Variants in DAB2IP observed in about 807,000 individuals in gnomAD.
The protein encoded by DAB2IP is disabled homolog 2-interacting protein.
DAB2IP carries 28 observed loss-of-function variants against 107.2 expected under a neutral mutation model. The observed-to-expected ratio is 0.26, with a 90% CI of 0.19 to 0.36. The LOEUF is 0.36. Among genes scored for constraint, DAB2IP ranks in the 10% least tolerant of loss-of-function variants. DAB2IP has a pLI of 1.00. For synonymous variants in DAB2IP, 755 were observed against 706.4 expected, an observed-to-expected ratio of 1.07 and a Z score of -1.09; for missense variants, 1,400 against 1,644.7, an observed-to-expected ratio of 0.85 and a Z score of 2.57.
intron 3 of DAB2IP, among the ~76,000 whole-genome samples, chr9:121,732,576 G>C (rs1831607538): frequency 6.6e-6 from 1 of 152,184 alleles, no homozygotes; most frequent in Non-Finnish European, 1.5e-5. Context: ...TAGGGAGGCT[G>C]TGGGCTGATG....
In DAB2IP at chr9:121,782,419, G is replaced by A. The variant is rs771507565; in HGVS notation, c.3491G>A (p.Arg1164His). Reference sequence around the variant, plus strand: ...AAAGAGAGGTACAGCATGCAAGCCCGTAACGGCATCTCCCCCACCAACCCC... The same window carrying A: ...AAAGAGAGGTACAGCATGCAAGCCCATAACGGCATCTCCCCCACCAACCCC... The change falls in exon 16 of 16, where the codon CGT (arginine) becomes CAT (histidine). Residue 1164 changes from arginine (R) to histidine (H), a missense_variant. Transcript: ENST00000408936. The surrounding 1 kb of genome is among the most constrained non-coding windows in gnomAD (Gnocchi z 6.1). 7.7e-5 allele frequency: 125 copies of A among 1,613,988 alleles called. No individual in the cohort carries two copies. Among genetic ancestry groups the A allele is most frequent in the Admixed American group, 1.3e-4 (8 of 59,998 alleles).
At chr9:121,593,262 T>TTTG (rs1044590375) in intron 1 of DAB2IP, among the ~76,000 whole-genome samples, 23 of 152,120 alleles carry the variant, frequency 1.5e-4, no homozygotes, top group African/African-American at 5.3e-4. Context: ...CTCTTGGAAT[T>TTTG]TTGTTGTTGT....
intron 1 of DAB2IP, among the ~76,000 whole-genome samples, chr9:121,663,712 G>A (rs1419947432): frequency 6.6e-6 from 1 of 152,186 alleles, no homozygotes; most frequent in African/African-American, 2.4e-5. Context: ...AAACCAAAAC[G>A]TGAAATCAAC....
intron 3 of DAB2IP, among the ~76,000 whole-genome samples, chr9:121,726,716 G>C (rs537990929): frequency 1.3e-5 from 2 of 152,174 alleles, no homozygotes; most frequent in Admixed American, 6.5e-5. Context: ...CACCACATCT[G>C]GTGTTGGAAG....
intron 1 of DAB2IP, among the ~76,000 whole-genome samples, chr9:121,646,426 T>C (rs1039992515): frequency 6.6e-6 from 1 of 152,094 alleles, no homozygotes; most frequent in African/African-American, 2.4e-5. Context: ...GAAGTCGTCA[T>C]TGCCTGCCAG....
chr9:121,618,350 T>C (rs1419426008), intron 1 of DAB2IP, among the ~76,000 whole-genome samples: 1 of 151,554 alleles, frequency 6.6e-6, no homozygotes, highest in African/African-American at 2.4e-5. Context: ...ATGTCATGAA[T>C]GGTAAATTCA....
chr9:121,659,846 T>C (rs1212112547), intron 1 of DAB2IP, among the ~76,000 whole-genome samples: 1 of 152,104 alleles, frequency 6.6e-6, no homozygotes, highest in African/African-American at 2.4e-5. Flanking sequence ...CAGTGGGGAC[T>C]GGACCCACCT....
Position 121,763,715 on chromosome 9 carries a change from C to G in DAB2IP, c.1316-20C>G. On this transcript the variant is annotated intron_variant, in intron 7 of 15. Coordinates refer to ENST00000408936, the Ensembl canonical transcript of DAB2IP. ...GCCCGCCAGGTCCTCACTCCCCACT[C>G]CCTGCCCACTTGTCCATAGGTGAGT... is the stretch of plus-strand genomic sequence containing the variant. The G allele has an allele frequency of 1.9e-6, 3 of 1,613,040 alleles. No homozygotes were observed. The highest frequency in any genetic ancestry group is 2.5e-6 in the Non-Finnish European group (3 of 1,179,358).
intron 1 of DAB2IP, among the ~76,000 whole-genome samples, chr9:121,655,433 C>T (rs931696494): frequency 1.3e-5 from 2 of 152,218 alleles, no homozygotes; most frequent in Non-Finnish European, 2.9e-5. Flanking sequence ...TCCTCTTAAG[C>T]ACCTACTATG....
chr9:121,639,846 G>A (rs994062935), intron 1 of DAB2IP, among the ~76,000 whole-genome samples: 27 of 152,198 alleles, frequency 1.8e-4, no homozygotes, highest in Admixed American at 1.3e-4. Flanking sequence ...CGGATGACCT[G>A]CTTTGGAATC....
chr9:121,768,715 G>A, intron 10 of DAB2IP, 82 bp downstream of exon 10: 1 of 1,560,342 alleles, frequency 6.4e-7, no homozygotes, highest in Non-Finnish European at 8.7e-7. Flanking sequence ...TAACCATGGA[G>A]GGCAGAGAGT....
At chr9:121,713,092 T>C (rs923607245) in intron 3 of DAB2IP, among the ~76,000 whole-genome samples, 1 of 152,214 alleles carries the variant, frequency 6.6e-6, no homozygotes, top group African/African-American at 2.4e-5. Context: ...ATTCCCCACA[T>C]GGCCCTCACA....
rs1409524135 is a variant in DAB2IP at position 121,772,843 on chromosome 9, C to T, written c.2315C>T (p.Thr772Ile). Residue 772 changes from threonine (T) to isoleucine (I), a missense_variant, in exon 12 of 16, where the codon ACA becomes ATA. Physicochemically the swap from Thr to Ile is moderately conservative, Grantham distance 89. Around this residue, in one of 3 missense-constraint regions of DAB2IP, gnomAD observed 600 missense variants for 659.1 expected, o/e 0.91. Transcript: ENST00000408936. This position sits in a 1 kb window ranked among gnomAD's most constrained non-coding sequence, Gnocchi z 4.7. ...CCGGCGGGCCCCGACGTCCTCCCCA[C>T]AGATGGGCAGGCCGCTGCAGCTCAG... The T allele has an allele frequency of 6.2e-7, 1 of 1,601,250 alleles. No individual in the cohort carries two copies. The highest frequency in any genetic ancestry group is 2.2e-5 in the East Asian group (1 of 44,714).
intron 1 of DAB2IP, among the ~76,000 whole-genome samples, chr9:121,574,175 T>C (rs1033464775): frequency 1.3e-5 from 2 of 152,140 alleles, no homozygotes; most frequent in African/African-American, 4.8e-5. Context: ...ATAACAGCTA[T>C]GTGTCCAGCC....
At chr9:121,767,228 A>C (rs933439209) in intron 9 of DAB2IP, among the ~76,000 whole-genome samples, 3 of 152,230 alleles carry the variant, frequency 2.0e-5, no homozygotes, top group African/African-American at 7.2e-5. Context: ...GCAAGTGGGC[A>C]GAAGTAGAAG....
At chr9:121,763,710 C>T (rs1834062441) in intron 7 of DAB2IP, 25 bp from the exon 8 acceptor site, 1 of 1,612,712 alleles carries the variant, frequency 6.2e-7, no homozygotes. Context: ...TCCTCACTCC[C>T]CACTCCCTGC....
intron 1 of DAB2IP, among the ~76,000 whole-genome samples, chr9:121,660,021 G>A (rs1833138250): frequency 6.6e-6 from 1 of 152,030 alleles, no homozygotes; most frequent in African/African-American, 2.4e-5. Context: ...CAGAGGCCAA[G>A]GGGAAGAGTC....
rs752735886 is a variant in DAB2IP at position 121,634,988 on chromosome 9, C to T, written c.41-43690C>T. Among the ~76,000 whole-genome samples, 4 of 152,132 alleles carry T rather than the reference C, an allele frequency of 2.6e-5. No individual in the cohort carries two copies. The highest frequency in any genetic ancestry group is 3.9e-4 in the East Asian group (2 of 5,184). On this transcript the variant is annotated intron_variant, in intron 1 of 16. Transcript: ENST00000259371. This position sits in a 1 kb window ranked among gnomAD's most constrained non-coding sequence, Gnocchi z 4.7. Reference sequence around the variant, plus strand: ...TACCATGGGGCCCTGTGTGCCAGTGCGGCCCACCCAGCCTCAGACCTGTGT... The same window carrying T: ...TACCATGGGGCCCTGTGTGCCAGTGTGGCCCACCCAGCCTCAGACCTGTGT...
chr9:121,648,024 T>C (rs1274071712), upstream of DAB2IP, among the ~76,000 whole-genome samples: 5 of 152,074 alleles, frequency 3.3e-5, no homozygotes, highest in Admixed American at 6.6e-5. Flanking sequence ...CATCATATAT[T>C]CTCACTCATA....
Sources: allele counts gnomAD v4.1 joint callset (sites outside exome capture counted in the v4.1 genomes callset), GRCh38; gene constraint gnomAD v4.1.1; regional missense constraint gnomAD v4.1.1; non-coding constraint Gnocchi (gnomAD v3.1); transcripts MANE v1.5; gene names NCBI Gene and HGNC (gene_info 2026-07-23, HGNC 2026-07-21).